The following SLC43A1 variants were observed in gnomAD, a reference collection of about 807,000 sequenced individuals.
SLC43A1 encodes the protein large neutral amino acids transporter small subunit 3.
SLC43A1 carries 31 observed loss-of-function variants against 59.5 expected under a neutral mutation model. That is an observed-to-expected ratio of 0.52 (90% CI 0.39 to 0.70). SLC43A1 has a LOEUF of 0.70. Ranked by LOEUF, SLC43A1 falls within the 30% of genes least tolerant of loss-of-function variation. The pLI is 0.00. For missense variants in SLC43A1, 598 were observed against 717.8 expected (o/e 0.83, Z 1.91); for synonymous variants, 259 against 290.9 (o/e 0.89, Z 1.12).
intron 6 of SLC43A1, among the ~76,000 whole-genome samples, chr11:57,496,973 T>C (rs1313696713): frequency 3.9e-5 from 6 of 152,058 alleles, no homozygotes. Flanking sequence ...CCCAAATGTG[T>C]GGAGGTAAGA....
At position 57,514,536 on chromosome 11, in the gene SLC43A1, A is replaced by C. The variant is rs1056689705; in HGVS notation, c.-13-412T>G. 3 of 175,500 alleles carry C rather than the reference A, an allele frequency of 1.7e-5. No individual in the cohort carries two copies. In the East Asian group the frequency reaches 5.2e-4, roughly 30 times the overall value. 10.9% of individuals were successfully genotyped at this position (175,500 alleles called of 1,614,324 possible). ...CCCATGTCCGGACTCTCGCGCCAGG[A>C]AAGACCCCTAGAAGCTGGCAGGAAG... On this transcript the variant is annotated intron_variant, in intron 1 of 14. Coordinates refer to ENST00000278426, the MANE Select transcript of SLC43A1 (RefSeq NM_003627.6). The surrounding 1 kb of genome is among the most constrained non-coding windows in gnomAD (Gnocchi z 5.5).
chr11:57,510,449 C>T (rs1253429699), intron 2 of SLC43A1, among the ~76,000 whole-genome samples: 1 of 116,288 alleles, frequency 8.6e-6, no homozygotes, highest in African/African-American at 3.4e-5. Flanking sequence ...CAGAGTGAGA[C>T]TCCATCTCAA....
chr11:57,514,874 G>A lies in SLC43A1; in HGVS notation c.-14+570C>T, dbSNP rs1009773796. On this transcript the variant is annotated intron_variant, in intron 1 of 14. Coordinates refer to ENST00000278426, the MANE Select transcript of SLC43A1 (RefSeq NM_003627.6). The surrounding 1 kb of genome is among the most constrained non-coding windows in gnomAD (Gnocchi z 5.5). ...GGCTCGGACTTCGGCAGGAAGTCTG[G>A]CGGCTGCTGACTTTATAAGGGCAGC... The A allele has an allele frequency of 1.0e-5, 10 of 985,374 alleles. No homozygotes were observed. The highest frequency in any genetic ancestry group is 1.0e-3 in the Middle Eastern group (2 of 1,916). 61.0% of individuals were successfully genotyped at this position (985,374 alleles called of 1,614,324 possible).
intron 5 of SLC43A1, among the ~76,000 whole-genome samples, chr11:57,500,023 C>T (rs1944210570): frequency 6.6e-6 from 1 of 152,148 alleles, no homozygotes; most frequent in Non-Finnish European, 1.5e-5. Flanking sequence ...TCAGGCAGCC[C>T]TTCTCAGAGA....
intron 8 of SLC43A1, among the ~76,000 whole-genome samples, chr11:57,493,495 C>T (rs1242437618): frequency 1.3e-5 from 2 of 152,290 alleles, no homozygotes; most frequent in African/African-American, 2.4e-5. Context: ...CCTCAACTCC[C>T]GCTCCTGACT....
intron 8 of SLC43A1, 139 bp downstream of exon 8, chr11:57,493,854 G>T: frequency 1.3e-6 from 1 of 757,986 alleles, no homozygotes. Flanking sequence ...CTGTAAATGA[G>T]GAGCATGCCC....
chr11:57,501,427 T>C, intron 2 of SLC43A1, 98 bp from the exon 3 acceptor site: 2 of 1,283,436 alleles, frequency 1.6e-6, no homozygotes, highest in East Asian at 2.4e-5. Context: ...TCAAATCCCA[T>C]GCCAAGTGCC....
intron 2 of SLC43A1, among the ~76,000 whole-genome samples, chr11:57,510,562 T>C (rs1944513096): frequency 6.6e-6 from 1 of 151,380 alleles, no homozygotes; most frequent in Admixed American, 6.6e-5. Flanking sequence ...TAAAATAGGC[T>C]GGTCCCAGTG....
In SLC43A1 at chr11:57,515,423, C is replaced by T. The variant is rs905384950; in HGVS notation, c.-14+21G>A. 6.6e-6 allele frequency: 1 copy of T among 152,276 alleles called. No homozygotes were observed. The highest frequency in any genetic ancestry group is 2.4e-5 in the African/African-American group (1 of 41,462). The allele number at this position is 152,276 out of a possible 1,614,324, so 9.4% of individuals were successfully genotyped here. On this transcript the variant is annotated intron_variant, in intron 1 of 14. Transcript: ENST00000278426. This position sits in a 1 kb window ranked among gnomAD's most constrained non-coding sequence, Gnocchi z 5.3. ...TAGCCGGAGACCCTACGCGCGCCCC[C>T]TCCCCGCCCACGCTGCTCACCTCCG...
chr11:57,501,196 G>A lies in SLC43A1; in HGVS notation c.288C>T (p.Ile96=), dbSNP rs750657855. Residue 96 remains isoleucine, a synonymous_variant, in exon 3 of 15, where the codon ATC becomes ATT. Transcript: ENST00000278426. ...GTCGGGGGCCAAAGCGGTCCATGAGGATCCCCAGTGGCAGGGTGGTGGCGC... is the reference window on the plus strand; with the variant it reads ...GTCGGGGGCCAAAGCGGTCCATGAGAATCCCCAGTGGCAGGGTGGTGGCGC... ...VLSATTLPLG[I]LMDRFGPRPV... The A allele has an allele frequency of 3.5e-5, 56 of 1,612,320 alleles. No individual in the cohort carries two copies. Among genetic ancestry groups the A allele is most frequent in the Non-Finnish European group, 4.7e-5 (55 of 1,180,040 alleles).
intron 5 of SLC43A1, among the ~76,000 whole-genome samples, chr11:57,499,326 C>CA (rs5792045): frequency 0.12 from 17,260 of 141,610 alleles, 1,481 homozygotes; most frequent in African/African-American, 0.26. Flanking sequence ...TCCGTCTCAA[C>CA]AAAAAAAAAA....
At chr11:57,494,728 G>A (rs1012597011) in intron 7 of SLC43A1, among the ~76,000 whole-genome samples, 5 of 152,120 alleles carry the variant, frequency 3.3e-5, no homozygotes, top group Non-Finnish European at 7.4e-5. Context: ...CAAAAGATGG[G>A]GTGCTTGATT....
Position 57,500,803 on chromosome 11 carries a change from G to C in SLC43A1, c.441C>G (p.Ile147Met), listed in dbSNP as rs1350841912. 6.2e-7 allele frequency: 1 copy of C among 1,614,224 alleles called. No individual in the cohort carries two copies. The stretch of plus-strand genomic sequence containing the variant: ...CCGTGAGTGAAGTGAACGTTAGGCA[G>C]ATGCCACCAAAGCCATTCAGGGACA... ...LALSLNGFGG[I>M]CLTFTSLTLP... Residue 147 changes from isoleucine (I) to methionine (M), a missense_variant, in exon 5 of 15, where the codon ATC (isoleucine) becomes ATG (methionine). Coordinates refer to ENST00000278426, the MANE Select transcript of SLC43A1 (RefSeq NM_003627.6).
intron 13 of SLC43A1, among the ~76,000 whole-genome samples, chr11:57,487,741 T>C (rs1002666988): frequency 6.6e-6 from 1 of 151,272 alleles, no homozygotes; most frequent in Admixed American, 6.6e-5. Flanking sequence ...GAGGTTGCAA[T>C]TGTACATGGG....
chr11:57,489,163 T>C, intron 12 of SLC43A1, 88 bp downstream of exon 12: 1 of 1,523,414 alleles, frequency 6.6e-7, no homozygotes. Flanking sequence ...AGACCAGAAC[T>C]GCGCTTCCTG....
intron 2 of SLC43A1, among the ~76,000 whole-genome samples, chr11:57,509,721 AGAAGGAAGGAAG>A (rs59036724): frequency 1.5e-5 from 2 of 133,642 alleles, no homozygotes. Flanking sequence ...AGGGAGGGAA[AGAAGGAAGGAAG>A]GAAGGAAGGA....
chr11:57,497,908 C>T, intron 5 of SLC43A1, 63 bp from the exon 6 acceptor site: 1 of 1,292,088 alleles, frequency 7.7e-7, no homozygotes, highest in Non-Finnish European at 1.1e-6. Flanking sequence ...GCATTCCCAG[C>T]CCTGCTCCAT....
chr11:57,500,882 G>A, intron 4 of SLC43A1, 27 bp from the exon 5 acceptor site: 3 of 1,613,144 alleles, frequency 1.9e-6, no homozygotes, highest in Non-Finnish European at 2.5e-6. Flanking sequence ...AGCAGATGAG[G>A]GCATTTGGGG....
Position 57,514,889 on chromosome 11 carries a change from A to G in SLC43A1, c.-14+555T>C. The G allele has an allele frequency of 1.0e-6, 1 of 984,680 alleles. No homozygotes were observed. The highest frequency in any genetic ancestry group is 1.2e-6 in the Non-Finnish European group (1 of 829,464). The allele number at this position is 984,680 out of a possible 1,614,324, so 61.0% of individuals were successfully genotyped here. On this transcript the variant is annotated intron_variant, in intron 1 of 14. Coordinates refer to ENST00000278426, the MANE Select transcript of SLC43A1 (RefSeq NM_003627.6). This position sits in a 1 kb window ranked among gnomAD's most constrained non-coding sequence, Gnocchi z 5.5. The stretch of plus-strand genomic sequence containing the variant: ...AGGAAGTCTGGCGGCTGCTGACTTT[A>G]TAAGGGCAGCGGTGGCGGATGGGCT...
Sources: allele counts gnomAD v4.1 joint callset (sites outside exome capture counted in the v4.1 genomes callset), GRCh38; gene constraint gnomAD v4.1.1; non-coding constraint Gnocchi (gnomAD v3.1); transcripts MANE v1.5; gene names NCBI Gene and HGNC (gene_info 2026-07-23, HGNC 2026-07-21).